Variants in LOC112267897 observed in about 807,000 individuals in gnomAD.
the LOC112267897 span, chr13:63,747,792 T>C: frequency 7.7e-6 from 1 of 130,294 alleles, no homozygotes; most frequent in East Asian, 2.0e-4. Flanking sequence ...TTATTATTAT[T>C]ATTATTATTT....
At chr13:63,746,831 G>GGCTATGGCTCCA in the LOC112267897 span, 41 of 1,424,580 alleles carry the variant, frequency 2.9e-5, no homozygotes, top group South Asian at 4.3e-4. Flanking sequence ...CAACTCCTGT[G>GGCTATGGCTCCA]GCTATGGCTC....
chr13:63,747,027 A>G, the LOC112267897 span: 1 of 1,582,360 alleles, frequency 6.3e-7, no homozygotes. Flanking sequence ...GGCTCTGGCT[A>G]CAGCTGTGGC....
chr13:63,747,133 C>G, the LOC112267897 span: 1 of 1,595,586 alleles, frequency 6.3e-7, no homozygotes, highest in East Asian at 2.2e-5. Flanking sequence ...GTGGCTCTGG[C>G]TCTGGCTACT....
chr13:63,746,812 C>T, the LOC112267897 span: 20 of 640,456 alleles, frequency 3.1e-5, no homozygotes, highest in African/African-American at 5.1e-4. Flanking sequence ...TGTGTTGCAA[C>T]TACTACGGCA....
chr13:63,747,308 G>A, the LOC112267897 span: 1 of 662,954 alleles, frequency 1.5e-6, no homozygotes, highest in Non-Finnish European at 2.4e-6. Flanking sequence ...ACAGAGTCTT[G>A]GACCTCTAGC....
At chr13:63,747,424 CTG>C in the LOC112267897 span, 2 of 337,710 alleles carry the variant, frequency 5.9e-6, no homozygotes, top group East Asian at 1.1e-4. Context: ...TCTGTTATGA[CTG>C]TGTTAATGAT....
At chr13:63,746,844 G>T in the LOC112267897 span, 1 of 1,415,554 alleles carries the variant, frequency 7.1e-7, no homozygotes, top group African/African-American at 1.5e-5. Context: ...TATGGCTCCA[G>T]CTATGGCTGT....
chr13:63,748,078 C>T, the LOC112267897 span: 5 of 27,056 alleles, frequency 1.8e-4, no homozygotes, highest in South Asian at 2.1e-3. Context: ...TTTAGCAGCA[C>T]GTGAATGTAT....
At chr13:63,746,933 G>A in the LOC112267897 span, 1 of 1,439,380 alleles carries the variant, frequency 6.9e-7, no homozygotes, top group Non-Finnish European at 9.7e-7. Context: ...CTGTGGCTAT[G>A]GCTGTGGCTA....
Sources: gnomAD v4.1 joint callset for allele counts on GRCh38, gnomAD v4.1.1 for gene constraint, MANE v1.5 for transcripts.